ATG7: variants seen among roughly 807,000 people sequenced by gnomAD.
The protein encoded by ATG7 is autophagy related 7.
Under a neutral mutation model 82.4 loss-of-function variants are expected in ATG7, and 70 were observed. That is an observed-to-expected ratio of 0.85 (90% CI 0.70 to 1.04). The LOEUF (loss-of-function observed/expected upper bound fraction) is 1.04, where lower values mean the gene tolerates loss of function less well. ATG7 is among the 50% of genes least tolerant of loss of function. The pLI is 0.00. For missense variants in ATG7, 792 were observed against 864.3 expected (o/e 0.92, Z 1.05); for synonymous variants, 287 against 313.0 (o/e 0.92, Z 0.88).
intron 20 of ATG7, among the ~76,000 whole-genome samples, chr3:11,436,961 T>G (rs191312096): frequency 6.6e-6 from 1 of 152,164 alleles, no homozygotes; most frequent in Admixed American, 6.5e-5. Context: ...TTCGAGGTGA[T>G]GAAATGTTCT....
At chr3:11,300,758 T>C (rs982942680) in intron 5 of ATG7, among the ~76,000 whole-genome samples, 5 of 152,214 alleles carry the variant, frequency 3.3e-5, no homozygotes, top group Non-Finnish European at 7.3e-5. Flanking sequence ...CATTCGGTTT[T>C]TCACTTTCAG....
At chr3:11,353,912 T>C (rs1324255139) in intron 14 of ATG7, among the ~76,000 whole-genome samples, 1 of 152,230 alleles carries the variant, frequency 6.6e-6, no homozygotes. Context: ...CAAAGAAGTG[T>C]ACCAGGAGGT....
chr3:11,390,590 G>C (rs1386238540), intron 19 of ATG7, among the ~76,000 whole-genome samples: 1 of 152,072 alleles, frequency 6.6e-6, no homozygotes, highest in Non-Finnish European at 1.5e-5. Flanking sequence ...TGTTCTTCTT[G>C]GGAAATTGCT....
the ATG7 span, among the ~76,000 whole-genome samples, chr3:11,566,255 C>CG: frequency 6.6e-6 from 1 of 152,184 alleles, no homozygotes; most frequent in South Asian, 2.1e-4. Flanking sequence ...ATGTGATAGG[C>CG]GTACCTTTCT....
chr3:11,535,357 C>T (rs2092770506), intron 20 of ATG7, among the ~76,000 whole-genome samples: 1 of 152,220 alleles, frequency 6.6e-6, no homozygotes, highest in African/African-American at 2.4e-5. Context: ...CTCTGTCTCC[C>T]AGTGGCACCC....
At chr3:11,563,972 G>A in the ATG7 span, among the ~76,000 whole-genome samples, 1 of 152,170 alleles carries the variant, frequency 6.6e-6, no homozygotes, top group Non-Finnish European at 1.5e-5. Flanking sequence ...TGAGGCCACA[G>A]GGACACAGAG....
chr3:11,325,960 G>A (rs1263560303), intron 9 of ATG7, among the ~76,000 whole-genome samples: 3 of 152,108 alleles, frequency 2.0e-5, no homozygotes, highest in Admixed American at 6.6e-5. Flanking sequence ...GTAAGATTGA[G>A]CTTTGATATA....
chr3:11,302,024 C>T (rs1411443707), intron 5 of ATG7, among the ~76,000 whole-genome samples: 1 of 152,242 alleles, frequency 6.6e-6, no homozygotes, highest in Non-Finnish European at 1.5e-5. Flanking sequence ...CTATGACTTT[C>T]ACACAAATTG....
intron 20 of ATG7, among the ~76,000 whole-genome samples, chr3:11,480,037 C>G (rs1377180106): frequency 6.6e-6 from 1 of 151,992 alleles, no homozygotes. Flanking sequence ...ACGACATTCT[C>G]CTGCCTCAGC....
intron 8 of ATG7, among the ~76,000 whole-genome samples, chr3:11,314,411 T>TG (rs1949103309): frequency 2.7e-5 from 1 of 37,466 alleles, no homozygotes; most frequent in East Asian, 0.01. Flanking sequence ...TGATTAAATT[T>TG]TTTTTGTTGT....
intron 20 of ATG7, among the ~76,000 whole-genome samples, chr3:11,437,078 G>A (rs1013504471): frequency 2.6e-5 from 4 of 152,176 alleles, no homozygotes; most frequent in African/African-American, 9.6e-5. Context: ...CAATACAGAT[G>A]TTTAAAAAGC....
At chr3:11,528,487 G>A (rs1658601192) in intron 20 of ATG7, among the ~76,000 whole-genome samples, 1 of 152,086 alleles carries the variant, frequency 6.6e-6, no homozygotes, top group African/African-American at 2.4e-5. Flanking sequence ...TGATATCACA[G>A]TCTGACATAG....
At chr3:11,443,829 AGC>A (rs2084241853) in intron 20 of ATG7, among the ~76,000 whole-genome samples, 1 of 152,194 alleles carries the variant, frequency 6.6e-6, no homozygotes, top group Non-Finnish European at 1.5e-5. Context: ...TTTCCAAATG[AGC>A]TATAACATAT....
intron 19 of ATG7, among the ~76,000 whole-genome samples, chr3:11,418,971 C>T (rs1038820120): frequency 6.6e-6 from 1 of 152,050 alleles, no homozygotes; most frequent in African/African-American, 2.4e-5. Context: ...TGCCCCTCCC[C>T]CCCGATCCAG....
At chr3:11,522,776 A>G (rs2092475574) in intron 20 of ATG7, among the ~76,000 whole-genome samples, 1 of 152,190 alleles carries the variant, frequency 6.6e-6, no homozygotes, top group Non-Finnish European at 1.5e-5. Context: ...TGCCCACCCC[A>G]GGCCTAGACT....
In ATG7 at chr3:11,495,529, C is replaced by T. The variant is rs114150201; in HGVS notation, c.2080-59282C>T. ...ATAGAGAGAGGGTGCCCAGACCAAG[C>T]CACTGACTAGTTGTGCTCCAGAAGG... On this transcript the variant is annotated intron_variant, in intron 20 of 20. Coordinates refer to ENST00000693202, the MANE Select transcript of ATG7 (RefSeq NM_001349232.2). Among the ~76,000 whole-genome samples the T allele has an allele frequency of 5.7e-3, 868 of 152,256 alleles. 7 individuals are homozygous for T. Among genetic ancestry groups the T allele is most frequent in the African/African-American group, 0.02 (834 of 41,552 alleles).
At chr3:11,481,335 A>C (rs570243223) in intron 20 of ATG7, among the ~76,000 whole-genome samples, 22 of 152,344 alleles carry the variant, frequency 1.4e-4, no homozygotes, top group African/African-American at 4.8e-4. Context: ...GATATATTTT[A>C]CGATGATAAA....
downstream of ATG7, chr3:11,558,120 C>T (rs2072609128): frequency 9.1e-6 from 2 of 219,078 alleles, no homozygotes; most frequent in Non-Finnish European, 1.8e-5. Context: ...CACGCACACA[C>T]ATGGACCGAA....
At chr3:11,390,597 T>G (rs1269879703) in intron 19 of ATG7, among the ~76,000 whole-genome samples, 2 of 152,208 alleles carry the variant, frequency 1.3e-5, no homozygotes, top group Non-Finnish European at 2.9e-5. Flanking sequence ...CTTGGGAAAT[T>G]GCTTTTACTC....
Sources: gnomAD v4.1 joint callset for allele counts (sites outside exome capture counted in the v4.1 genomes callset) on GRCh38, gnomAD v4.1.1 for gene constraint, MANE v1.5 for transcripts, NCBI Gene and HGNC (gene_info 2026-07-23, HGNC 2026-07-21) for gene names.